The following HS3ST4 variants were observed in gnomAD, a reference collection of about 807,000 sequenced individuals.
HS3ST4 encodes the protein heparan sulfate-glucosamine 3-sulfotransferase 4.
HS3ST4 carries 17 observed loss-of-function variants against 29.2 expected under a neutral mutation model. That is an observed-to-expected ratio of 0.58 (90% CI 0.40 to 0.87). HS3ST4 has a LOEUF of 0.87. HS3ST4 is among the 40% of genes least tolerant of loss of function. The pLI, the probability that HS3ST4 is intolerant of heterozygous loss-of-function variation, is 0.00. For missense variants in HS3ST4, 627 were observed against 634.5 expected, an observed-to-expected ratio of 0.99 and a Z score of 0.13; for synonymous variants, 314 against 285.7, an observed-to-expected ratio of 1.10 and a Z score of -1.00.
intron 1 of HS3ST4, among the ~76,000 whole-genome samples, chr16:25,834,078 A>G (rs1967334001): frequency 1.3e-5 from 2 of 152,250 alleles, no homozygotes; most frequent in Non-Finnish European, 2.9e-5. Context: ...AAATGGGAAC[A>G]CATAACATTG....
chr16:25,963,903 G>A (rs1391029611), intron 1 of HS3ST4, among the ~76,000 whole-genome samples: 1 of 152,170 alleles, frequency 6.6e-6, no homozygotes, highest in Admixed American at 6.5e-5. Context: ...TGGGCGAGGT[G>A]GCTCACACTG....
intron 1 of HS3ST4, among the ~76,000 whole-genome samples, chr16:25,726,937 G>C (rs769605838): frequency 3.0e-4 from 46 of 152,208 alleles, no homozygotes; most frequent in Admixed American, 7.9e-4. Flanking sequence ...TCCATTCTCA[G>C]TGGTCATGGA....
intron 1 of HS3ST4, among the ~76,000 whole-genome samples, chr16:26,064,426 G>C (rs1434082404): frequency 6.6e-6 from 1 of 152,112 alleles, no homozygotes; most frequent in Non-Finnish European, 1.5e-5. Context: ...ACTGAGCATC[G>C]TGCAGAAGCC....
intron 1 of HS3ST4, among the ~76,000 whole-genome samples, chr16:26,001,424 GT>G (rs1427979230): frequency 1.3e-5 from 2 of 151,486 alleles, no homozygotes; most frequent in African/African-American, 4.9e-5. Context: ...CATATACAGG[GT>G]TTTTTTTGTA....
At chr16:25,697,874 T>C (rs933526145) in intron 1 of HS3ST4, among the ~76,000 whole-genome samples, 7 of 152,088 alleles carry the variant, frequency 4.6e-5, no homozygotes, top group Admixed American at 3.9e-4. Flanking sequence ...GGTTTCACCA[T>C]GTTGGCCAGG....
At chr16:25,978,669 T>C (rs8063351) in intron 1 of HS3ST4, among the ~76,000 whole-genome samples, 137,544 of 152,264 alleles carry the variant, frequency 0.9, 62,301 homozygotes, top group Admixed American at 0.94. Flanking sequence ...TAAAAGTTAC[T>C]GTCTTCTTTA....
chr16:26,127,304 T>C (rs1899357666), intron 1 of HS3ST4, among the ~76,000 whole-genome samples: 1 of 152,192 alleles, frequency 6.6e-6, no homozygotes, highest in Non-Finnish European at 1.5e-5. Context: ...CTGCCATGCC[T>C]TAAGACCTGG....
chr16:25,704,285 G>T (rs761905487), intron 1 of HS3ST4, among the ~76,000 whole-genome samples: 12 of 152,122 alleles, frequency 7.9e-5, no homozygotes, highest in Non-Finnish European at 1.5e-4. Flanking sequence ...ACTCAAATAA[G>T]CTGTGTGGGC....
At chr16:25,869,226 G>C (rs537744518) in intron 1 of HS3ST4, among the ~76,000 whole-genome samples, 24 of 152,204 alleles carry the variant, frequency 1.6e-4, no homozygotes, top group East Asian at 5.8e-4. Flanking sequence ...TGGAGAAACA[G>C]CATTGGTGGT....
intron 1 of HS3ST4, among the ~76,000 whole-genome samples, chr16:25,776,834 T>C (rs1183850946): frequency 6.6e-6 from 1 of 152,234 alleles, no homozygotes; most frequent in Non-Finnish European, 1.5e-5. Flanking sequence ...TCTCTTTCTT[T>C]GTATCATTTC....
At chr16:25,900,128 T>C (rs1413576757) in intron 1 of HS3ST4, among the ~76,000 whole-genome samples, 1 of 152,246 alleles carries the variant, frequency 6.6e-6, no homozygotes, top group African/African-American at 2.4e-5. Flanking sequence ...TGTGTAATTT[T>C]AAGATAGGTG....
At position 25,692,447 on chromosome 16, in the gene HS3ST4, T is replaced by A; in HGVS notation, c.30T>A (p.Pro10=). 8.0e-7 allele frequency: 1 copy of A among 1,255,098 alleles called. No homozygotes were observed. Among genetic ancestry groups the A allele is most frequent in the Non-Finnish European group, 1.0e-6 (1 of 988,326 alleles). 77.7% of individuals were successfully genotyped at this position (1,255,098 alleles called of 1,614,324 possible). The part of the protein sequence containing the change: MARWPAPPP[P]PPPPPPLAAP... ...CCCGGTGGCCCGCACCTCCTCCGCCTCCGCCTCCGCCTCCACCTCTGGCCG... is the reference window on the plus strand; with the variant it reads ...CCCGGTGGCCCGCACCTCCTCCGCCACCGCCTCCGCCTCCACCTCTGGCCG... The change falls in exon 1 of 2, where the codon CCT becomes CCA. Residue 10 remains proline, a synonymous_variant. Coordinates refer to ENST00000331351, the MANE Select transcript of HS3ST4 (RefSeq NM_006040.3).
intron 1 of HS3ST4, among the ~76,000 whole-genome samples, chr16:25,961,025 A>C (rs1249216150): frequency 6.6e-6 from 1 of 152,194 alleles, no homozygotes; most frequent in Non-Finnish European, 1.5e-5. Context: ...GATAGTCCAA[A>C]GTATACTTAT....
chr16:25,971,798 C>A (rs531292725), intron 1 of HS3ST4, among the ~76,000 whole-genome samples: 200 of 152,072 alleles, frequency 1.3e-3, no homozygotes, highest in African/African-American at 4.4e-3. Context: ...AGTGGCAGGC[C>A]AGTGGGCCTG....
chr16:25,843,678 A>C (rs1407767331), intron 1 of HS3ST4, among the ~76,000 whole-genome samples: 2 of 152,206 alleles, frequency 1.3e-5, no homozygotes, highest in African/African-American at 4.8e-5. Flanking sequence ...GTGGTGGGGT[A>C]TCTGTCTAAT....
intron 1 of HS3ST4, among the ~76,000 whole-genome samples, chr16:26,092,118 G>T (rs532213639): frequency 3.9e-5 from 6 of 152,200 alleles, no homozygotes; most frequent in South Asian, 4.2e-4. Flanking sequence ...GACAGAATGG[G>T]GTGCTCACAG....
intron 1 of HS3ST4, among the ~76,000 whole-genome samples, chr16:25,749,005 G>A (rs1050039878): frequency 3.9e-5 from 6 of 152,090 alleles, no homozygotes; most frequent in African/African-American, 9.7e-5. Context: ...TCCAGAGTTC[G>A]CCTATAGATG....
chr16:26,053,224 A>G (rs1284470293), intron 1 of HS3ST4, among the ~76,000 whole-genome samples: 3 of 152,248 alleles, frequency 2.0e-5, no homozygotes, highest in Non-Finnish European at 4.4e-5. Context: ...TGGTCTTTCT[A>G]TAATGATCTG....
At chr16:25,827,571 T>C (rs1344701276) in intron 1 of HS3ST4, among the ~76,000 whole-genome samples, 1 of 151,480 alleles carries the variant, frequency 6.6e-6, no homozygotes, top group Non-Finnish European at 1.5e-5. Flanking sequence ...TTGGTTTCTA[T>C]CTTAGCGGAA....
Sources: allele counts gnomAD v4.1 joint callset (sites outside exome capture counted in the v4.1 genomes callset), GRCh38; gene constraint gnomAD v4.1.1; transcripts MANE v1.5; gene names NCBI Gene and HGNC (gene_info 2026-07-23, HGNC 2026-07-21).